KDM4B: variants seen among roughly 807,000 people sequenced by gnomAD.
KDM4B encodes the protein lysine-specific demethylase 4B.
A neutral mutation model predicts 125.2 loss-of-function variants in KDM4B; 32 were observed. That is an observed-to-expected ratio of 0.26 (90% CI 0.19 to 0.34). KDM4B has a LOEUF of 0.34. KDM4B is among the 10% of genes least tolerant of loss of function. The pLI is 1.00. For missense variants in KDM4B, 1,190 were observed against 1,577.7 expected (o/e 0.75, Z 4.16); for synonymous variants, 721 against 677.9 (o/e 1.06, Z -0.99).
Position 5,114,578 on chromosome 19 carries a change from T to C in KDM4B, c.1115+3760T>C. The C allele has an allele frequency of 3.0e-6, 1 of 333,022 alleles. No individual in the cohort carries two copies. Among genetic ancestry groups the C allele is most frequent in the Non-Finnish European group, 6.0e-6 (1 of 168,002 alleles). The allele number at this position is 333,022 out of a possible 1,614,324, so 20.6% of individuals were successfully genotyped here. A position where few individuals can be genotyped will look rare whatever the true frequency, so the allele number is the denominator to read the frequency against. ...TCAGGGACTCACTTGCTGTCTCCTG[T>C]CTCTTTCCTAGAGCTGCCCTTCATT... is the stretch of plus-strand genomic sequence containing the variant. On this transcript the variant is annotated intron_variant, in intron 10 of 22. Coordinates refer to ENST00000159111, the MANE Select transcript of KDM4B (RefSeq NM_015015.3). This position sits in a 1 kb window ranked among gnomAD's most constrained non-coding sequence, Gnocchi z 5.8.
At chr19:4,974,050 G>A (rs2034355915) in intron 1 of KDM4B, among the ~76,000 whole-genome samples, 1 of 151,550 alleles carries the variant, frequency 6.6e-6, no homozygotes, top group Non-Finnish European at 1.5e-5. Flanking sequence ...GAATTGCACC[G>A]AGATCCTGCC....
At chr19:5,128,858 GGC>G (rs1491521128) in intron 11 of KDM4B, among the ~76,000 whole-genome samples, 1 of 141,602 alleles carries the variant, frequency 7.1e-6, no homozygotes, top group African/African-American at 2.6e-5. Flanking sequence ...GGAGGCGGGG[GGC>G]GGGGGGGGGG....
chr19:5,083,585 G>A (rs960924992), intron 9 of KDM4B, among the ~76,000 whole-genome samples: 9 of 152,192 alleles, frequency 5.9e-5, no homozygotes, highest in Admixed American at 3.3e-4. Flanking sequence ...GAGCTGTCCC[G>A]GCAGGCCAGG....
At chr19:5,007,069 C>T (rs767633063) in intron 1 of KDM4B, among the ~76,000 whole-genome samples, 3 of 152,112 alleles carry the variant, frequency 2.0e-5, no homozygotes, top group African/African-American at 4.8e-5. Context: ...ACGGGGGAGG[C>T]GGAATCTTCT....
At chr19:5,121,738 G>A (rs760919937) in intron 11 of KDM4B, among the ~76,000 whole-genome samples, 15 of 152,076 alleles carry the variant, frequency 9.9e-5, no homozygotes, top group Non-Finnish European at 2.1e-4. Context: ...GCTCTTAAGC[G>A]GACAACTAAC....
intron 6 of KDM4B, among the ~76,000 whole-genome samples, chr19:5,050,830 G>A (rs370021590): frequency 3.9e-5 from 6 of 152,240 alleles, no homozygotes; most frequent in Admixed American, 1.3e-4. Context: ...AACCCAGGAG[G>A]CGGAGCTTGC....
Position 5,035,628 on chromosome 19 carries a change from C to A in KDM4B, c.141+2597C>A, listed in dbSNP as rs1321469970. On this transcript the variant is annotated intron_variant, in intron 3 of 22. Transcript: ENST00000159111. The surrounding 1 kb of genome is among the most constrained non-coding windows in gnomAD (Gnocchi z 5.3). ...GTCGCTGCTTCAGGTTTCTGCACTC[C>A]CCCCAGGCCAGTTCCCCCGAGATTC... 1.3e-5 allele frequency among the ~76,000 whole-genome samples: 2 copies of A among 152,092 alleles called. No individual in the cohort carries two copies. Among genetic ancestry groups the A allele is most frequent in the Non-Finnish European group, 2.9e-5 (2 of 68,014 alleles).
chr19:5,048,239 A>G (rs2037092889), intron 6 of KDM4B, among the ~76,000 whole-genome samples: 1 of 152,180 alleles, frequency 6.6e-6, no homozygotes, highest in Non-Finnish European at 1.5e-5. Context: ...GCTGAGTTCC[A>G]GGACCTTCTC....
In KDM4B at chr19:5,035,895, G is replaced by GCGCT. The variant is rs1308153451; in HGVS notation, c.141+2865_141+2866insGCTC. ...TGTGTGTGTGTGCGCGCGCGCGCGC[G>GCGCT]CCTGCGCGCACAGGAGACTGAGGTG... On this transcript the variant is annotated intron_variant, in intron 3 of 22. Coordinates refer to ENST00000159111, the MANE Select transcript of KDM4B (RefSeq NM_015015.3). The surrounding 1 kb of genome is among the most constrained non-coding windows in gnomAD (Gnocchi z 5.3). Among the ~76,000 whole-genome samples, 1 of 125,054 alleles carries GCGCT rather than the reference G, an allele frequency of 8.0e-6. No homozygotes were observed. The highest frequency in any genetic ancestry group is 1.8e-5 in the Non-Finnish European group (1 of 54,876). The allele number at this position is 125,054 out of a possible 152,430, so 82.0% of individuals were successfully genotyped here. A position where few individuals can be genotyped will look rare whatever the true frequency, so the allele number is the denominator to read the frequency against.
At chr19:5,007,773 G>T (rs773850632) in intron 1 of KDM4B, among the ~76,000 whole-genome samples, 1 of 151,800 alleles carries the variant, frequency 6.6e-6, no homozygotes, top group Non-Finnish European at 1.5e-5. Flanking sequence ...GTCTGGTCTT[G>T]AACTCCTGTG....
intron 9 of KDM4B, among the ~76,000 whole-genome samples, chr19:5,088,734 C>T (rs2038592089): frequency 6.8e-6 from 1 of 146,418 alleles, no homozygotes; most frequent in African/African-American, 2.5e-5. Flanking sequence ...TTGACATCCT[C>T]AAGAGGCAGA....
In KDM4B at chr19:5,056,474, C is replaced by T. The variant is rs889003152; in HGVS notation, c.626+8805C>T. Among the ~76,000 whole-genome samples, 7 of 148,546 alleles carry T rather than the reference C, an allele frequency of 4.7e-5. 1 individual carries two copies. The South Asian group carries it at 1.1e-3, about 23-fold the overall frequency. On this transcript the variant is annotated intron_variant, in intron 6 of 22. Coordinates refer to ENST00000159111, the MANE Select transcript of KDM4B (RefSeq NM_015015.3). The stretch of plus-strand genomic sequence containing the variant: ...AGGCTGGAGTGCTGTGGTGTAATCT[C>T]GGCTCACTGCAACCTCCACCTCCCA...
intron 15 of KDM4B, among the ~76,000 whole-genome samples, chr19:5,136,978 C>T (rs936843916): frequency 4.6e-5 from 7 of 152,206 alleles, no homozygotes; most frequent in African/African-American, 1.4e-4. Flanking sequence ...AGGCTGAGCG[C>T]GGCAGACCCA....
rs372789029 is a variant in KDM4B at position 5,131,300 on chromosome 19, C to T, written c.1540C>T (p.Pro514Ser). Residue 514 changes from proline to serine, a missense_variant, in exon 12 of 23, where the codon CCC becomes TCC. Pro to Ser is a moderately conservative substitution (Grantham distance 74, BLOSUM62 -1). Transcript: ENST00000159111. ...APLNVVPPEV[P>S]SEELEAKPRP... ...CCTTAATGTCGTGCCCCCTGAGGTG[C>T]CCAGTGAGGAGCTAGAGGCCAAGCC... The T allele has an allele frequency of 3.1e-6, 5 of 1,612,214 alleles. No individual in the cohort carries two copies. Among genetic ancestry groups the T allele is most frequent in the Non-Finnish European group, 4.2e-6 (5 of 1,179,806 alleles).
At chr19:4,987,775 G>A (rs1209714057) in intron 1 of KDM4B, among the ~76,000 whole-genome samples, 1 of 152,152 alleles carries the variant, frequency 6.6e-6, no homozygotes, top group East Asian at 1.9e-4. Flanking sequence ...GTGAAAGCAG[G>A]GGACCTGTCG....
intron 9 of KDM4B, among the ~76,000 whole-genome samples, chr19:5,089,663 C>T (rs758162924): frequency 2.6e-5 from 4 of 151,026 alleles, no homozygotes; most frequent in Non-Finnish European, 4.4e-5. Context: ...TAAAAATATG[C>T]ACTAACTTCT....
chr19:5,151,403 G>T lies in KDM4B; in HGVS notation c.3183G>T (p.Pro1061=), dbSNP rs368912330. Residue 1061 remains proline, a synonymous_variant, in exon 23 of 23, where the codon CCG becomes CCT. Transcript: ENST00000159111. ...SGEEAKAAKR[P]RVGTPLATED... ...AGGAGGCCAAGGCCGCCAAGCGCCC[G>T]CGTGTGGGCACCCCGCTTGCCACGG... is the stretch of plus-strand genomic sequence containing the variant. 1 of 1,582,690 alleles carries T rather than the reference G, an allele frequency of 6.3e-7. No individual in the cohort carries two copies. Among genetic ancestry groups the T allele is most frequent in the East Asian group, 2.3e-5 (1 of 42,968 alleles).
intron 7 of KDM4B, chr19:5,076,997 G>A: frequency 3.9e-6 from 1 of 253,818 alleles, no homozygotes; most frequent in African/African-American, 2.2e-5. Context: ...CCATGGGTGG[G>A]CACCTTGTCA....
intron 9 of KDM4B, among the ~76,000 whole-genome samples, chr19:5,094,454 A>G (rs1276877925): frequency 1.3e-5 from 2 of 152,230 alleles, no homozygotes. Context: ...TGGGCATTTC[A>G]GCAAGGGAGA....
Sources: gnomAD v4.1 joint callset for allele counts (sites outside exome capture counted in the v4.1 genomes callset) on GRCh38, gnomAD v4.1.1 for gene constraint, Gnocchi (gnomAD v3.1) non-coding constraint, MANE v1.5 for transcripts, NCBI Gene and HGNC (gene_info 2026-07-23, HGNC 2026-07-21) for gene names.